HS3ST2: variants seen among roughly 807,000 people sequenced by gnomAD.
HS3ST2 encodes the protein heparan sulfate-glucosamine 3-sulfotransferase 2, also known as heparan sulfate glucosamine 3-O-sulfotransferase 2.
Under a neutral mutation model 26.3 loss-of-function variants are expected in HS3ST2, and 17 were observed. That is an observed-to-expected ratio of 0.65 (90% confidence interval 0.44 to 0.97). The LOEUF (loss-of-function observed/expected upper bound fraction) is 0.97, where lower values mean the gene tolerates loss of function less well. Ranked by LOEUF, HS3ST2 falls within the 50% of genes least tolerant of loss-of-function variation. The pLI, the probability that HS3ST2 is intolerant of heterozygous loss-of-function variation, is 0.00. For synonymous variants in HS3ST2, 237 were observed against 219.2 expected (o/e 1.08, Z -0.72); for missense variants, 402 against 501.2 (o/e 0.80, Z 1.89).
At chr16:22,835,535 A>T (rs1264038524) in intron 1 of HS3ST2, among the ~76,000 whole-genome samples, 4 of 152,318 alleles carry the variant, frequency 2.6e-5, no homozygotes, top group South Asian at 2.1e-4. Context: ...ATCACAAAAC[A>T]GCAGCCTACT....
At chr16:22,894,696 C>T (rs1334798815) in intron 1 of HS3ST2, among the ~76,000 whole-genome samples, 1 of 149,586 alleles carries the variant, frequency 6.7e-6, no homozygotes, top group East Asian at 2.0e-4. Context: ...GCCAGATGTT[C>T]AAGACCAGCC....
chr16:22,819,174 TCCTTCCTTCCTCCCTTCC>T (rs1900951868), intron 1 of HS3ST2, among the ~76,000 whole-genome samples: 1 of 135,390 alleles, frequency 7.4e-6, no homozygotes, highest in African/African-American at 2.7e-5. Flanking sequence ...CTTCCTTCCC[TCCTTCCTTCCTCCCTTCC>T]TCCCTTCCTT....
chr16:22,900,363 G>C (rs988705255), intron 1 of HS3ST2, among the ~76,000 whole-genome samples: 1 of 152,134 alleles, frequency 6.6e-6, no homozygotes, highest in Admixed American at 6.6e-5. Context: ...AATGTCACTG[G>C]GGAACATCTC....
intron 1 of HS3ST2, among the ~76,000 whole-genome samples, chr16:22,843,328 A>T (rs1366611005): frequency 6.6e-6 from 1 of 152,042 alleles, no homozygotes; most frequent in Non-Finnish European, 1.5e-5. Flanking sequence ...TTCAATTCTG[A>T]CATTATCTAC....
intron 1 of HS3ST2, among the ~76,000 whole-genome samples, chr16:22,817,327 C>T (rs922516250): frequency 6.6e-6 from 1 of 152,012 alleles, no homozygotes; most frequent in Non-Finnish European, 1.5e-5. Flanking sequence ...CTGGGAGGCT[C>T]CAGTGTCAGG....
chr16:22,870,690 C>T (rs569335612), intron 1 of HS3ST2, among the ~76,000 whole-genome samples: 14 of 152,112 alleles, frequency 9.2e-5, no homozygotes, highest in African/African-American at 1.7e-4. Flanking sequence ...TTCTCTCACC[C>T]GAAATATTTG....
At chr16:22,840,405 C>G (rs565605309) in intron 1 of HS3ST2, among the ~76,000 whole-genome samples, 4 of 150,622 alleles carry the variant, frequency 2.7e-5, no homozygotes, top group African/African-American at 7.3e-5. Flanking sequence ...TTTCTTGAGA[C>G]AGAGTCTCAT....
intron 1 of HS3ST2, among the ~76,000 whole-genome samples, chr16:22,821,876 G>C (rs1901000209): frequency 6.6e-6 from 1 of 152,168 alleles, no homozygotes; most frequent in Non-Finnish European, 1.5e-5. Context: ...TGAGACAGAG[G>C]TTTGGGCTTG....
rs77899717 is a variant in HS3ST2, at chr16:22,850,120, C to T, written c.485+35025C>T. Among the ~76,000 whole-genome samples, 873 of 152,248 alleles carry T rather than the reference C, an allele frequency of 5.7e-3. 11 individuals carry two copies. The highest frequency in any genetic ancestry group is 0.02 in the African/African-American group (822 of 41,536). On this transcript the variant is annotated intron_variant, in intron 1 of 1. Transcript: ENST00000261374. Reference sequence around the variant, plus strand: ...TTGTTTATCTGACATTTACATTTAACTGGGCATCCTGCATTTGTATTTGCT... The same window carrying T: ...TTGTTTATCTGACATTTACATTTAATTGGGCATCCTGCATTTGTATTTGCT...
chr16:22,847,085 C>T (rs1055050565), intron 1 of HS3ST2, among the ~76,000 whole-genome samples: 3 of 152,142 alleles, frequency 2.0e-5, no homozygotes, highest in African/African-American at 7.2e-5. Context: ...CACCCAGGTA[C>T]TAAGCCTAGT....
intron 1 of HS3ST2, among the ~76,000 whole-genome samples, chr16:22,823,571 C>A (rs188957786): frequency 6.6e-6 from 1 of 150,974 alleles, no homozygotes; most frequent in Admixed American, 6.6e-5. Context: ...ATCGCTTCAG[C>A]CCAGGAGTTG....
intron 1 of HS3ST2, among the ~76,000 whole-genome samples, chr16:22,871,911 G>C (rs1297935577): frequency 1.3e-5 from 2 of 152,208 alleles, no homozygotes; most frequent in Non-Finnish European, 2.9e-5. Context: ...GCTCACCTGG[G>C]AGGTGCAAAC....
chr16:22,828,509 T>C (rs763326627), intron 1 of HS3ST2, among the ~76,000 whole-genome samples: 2 of 152,208 alleles, frequency 1.3e-5, no homozygotes, highest in East Asian at 1.9e-4. Flanking sequence ...TCTCCGACTT[T>C]CCCAAAGCTG....
At chr16:22,850,648 G>A (rs1418273711) in intron 1 of HS3ST2, among the ~76,000 whole-genome samples, 3 of 152,120 alleles carry the variant, frequency 2.0e-5, no homozygotes, top group Non-Finnish European at 4.4e-5. Context: ...TTAGCGAGGT[G>A]TGGTGGAGCT....
At chr16:22,833,424 G>A (rs208961) in intron 1 of HS3ST2, 65,408 of 426,480 alleles carry the variant, frequency 0.15, 5,670 homozygotes, top group East Asian at 0.21. Flanking sequence ...CCAGGAGCAC[G>A]TATAGCTGGA....
At chr16:22,857,861 G>A (rs1355097054) in intron 1 of HS3ST2, among the ~76,000 whole-genome samples, 3 of 151,994 alleles carry the variant, frequency 2.0e-5, no homozygotes, top group South Asian at 2.1e-4. Context: ...TACCCACATC[G>A]GCTTCTGTTT....
intron 1 of HS3ST2, among the ~76,000 whole-genome samples, chr16:22,911,976 G>A (rs1902429194): frequency 6.6e-6 from 1 of 152,040 alleles, no homozygotes; most frequent in Admixed American, 6.6e-5. Context: ...ACAAAAAATA[G>A]CTAGGAGTGG....
chr16:22,835,020 T>G (rs1901233614), intron 1 of HS3ST2, among the ~76,000 whole-genome samples: 1 of 152,144 alleles, frequency 6.6e-6, no homozygotes, highest in Non-Finnish European at 1.5e-5. Flanking sequence ...GACTTTATCT[T>G]TTAGTGTTTT....
intron 1 of HS3ST2, among the ~76,000 whole-genome samples, chr16:22,855,760 T>A (rs1901585817): frequency 6.7e-6 from 1 of 149,402 alleles, no homozygotes. Flanking sequence ...GCTGACTTCA[T>A]TCTCAGACTC....
Sources: gnomAD v4.1 joint callset for allele counts (sites outside exome capture counted in the v4.1 genomes callset) on GRCh38, gnomAD v4.1.1 for gene constraint, MANE v1.5 for transcripts, NCBI Gene and HGNC (gene_info 2026-07-23, HGNC 2026-07-21) for gene names.